Variants in CACNA1A observed in about 807,000 individuals in gnomAD.
CACNA1A encodes the protein calcium voltage-gated channel subunit alpha1 A, also known as voltage-dependent P/Q-type calcium channel subunit alpha-1A.
A neutral mutation model predicts 262.4 loss-of-function variants in CACNA1A; 57 were observed. The ratio of observed to expected loss-of-function variants is 0.22; its 90% CI spans 0.18 to 0.27. The LOEUF is 0.27. CACNA1A is among the 10% of genes least tolerant of loss of function. The probability of loss-of-function intolerance (pLI) is 1.00; values close to 1 mark genes in which losing one functional copy is unlikely to be tolerated. For missense variants in CACNA1A, 2,526 were observed against 3,562.8 expected, an observed-to-expected ratio of 0.71 and a Z score of 7.41; for synonymous variants, 1,431 against 1,419.3, an observed-to-expected ratio of 1.01 and a Z score of -0.18.
chr19:13,352,583 C>T (rs2058932619), intron 6 of CACNA1A, among the ~76,000 whole-genome samples: 1 of 152,122 alleles, frequency 6.6e-6, no homozygotes, highest in Non-Finnish European at 1.5e-5. Flanking sequence ...AGGTTTACCT[C>T]CCCTTGATTC....
chr19:13,452,686 A>G, intron 3 of CACNA1A, 190 bp downstream of exon 3: 1 of 530,088 alleles, frequency 1.9e-6, no homozygotes, highest in Non-Finnish European at 3.3e-6. Context: ...TAATTGTAAC[A>G]GAAAGCATCT....
chr19:13,209,758 T>G (rs1455766633), intron 44 of CACNA1A, among the ~76,000 whole-genome samples: 1 of 152,184 alleles, frequency 6.6e-6, no homozygotes, highest in African/African-American at 2.4e-5. Context: ...GAGCCCATCC[T>G]GGGTTCTGAC....
At chr19:13,291,292 A>G (rs1303027058) in intron 19 of CACNA1A, among the ~76,000 whole-genome samples, 1 of 151,986 alleles carries the variant, frequency 6.6e-6, no homozygotes, top group Non-Finnish European at 1.5e-5. Flanking sequence ...TGATAATAAC[A>G]GCAGTTCCTG....
rs575799602 is a variant in CACNA1A at position 13,298,473 on chromosome 19, A to G, written c.3089+71T>C. The G allele has an allele frequency of 2.8e-4, 364 of 1,320,158 alleles. No individual in the cohort carries two copies. The African/African-American group carries it at 4.7e-3, about 17-fold the overall frequency. 81.8% of individuals were successfully genotyped at this position (1,320,158 alleles called of 1,614,324 possible). On this transcript the variant is annotated intron_variant, in intron 19 of 46. Coordinates refer to ENST00000360228, the MANE Select transcript of CACNA1A (RefSeq NM_001127222.2). ...ATATTTTTATAAACAAATACACAGC[A>G]CGTGCTACTTTGGCTGTTGTCATTA...
intron 1 of CACNA1A, among the ~76,000 whole-genome samples, chr19:13,490,851 G>A (rs1431713938): frequency 7.0e-6 from 1 of 142,724 alleles, no homozygotes; most frequent in African/African-American, 2.6e-5. Context: ...GAGGGAAGGA[G>A]GGAAAGAGAA....
rs1054153497 is a variant in CACNA1A at position 13,482,568 on chromosome 19, A to G, written c.293+23364T>C. On this transcript the variant is annotated intron_variant, in intron 1 of 46. Coordinates refer to ENST00000360228, the MANE Select transcript of CACNA1A (RefSeq NM_001127222.2). ...CTAGTTTCACTTTGTGAAAAAGACA[A>G]AGTGACGTGTCCACTAAACCTTCTT... Among the ~76,000 whole-genome samples, 13 of 152,164 alleles carry G rather than the reference A, an allele frequency of 8.5e-5. No homozygotes were observed. In the East Asian group the frequency reaches 2.3e-3, roughly 27 times the overall value.
rs1015927139 is a variant in CACNA1A, at chr19:13,304,603, C to CA, written c.1987-720dup. 3.2e-5 allele frequency among the ~76,000 whole-genome samples: 3 copies of CA among 92,962 alleles called. No individual in the cohort carries two copies. In the Admixed American group the frequency reaches 3.9e-4, roughly 12 times the overall value. 61.0% of individuals were successfully genotyped at this position (92,962 alleles called of 152,430 possible). A position where few individuals can be genotyped will look rare whatever the true frequency, so the allele number is the denominator to read the frequency against. On this transcript the variant is annotated intron_variant, in intron 15 of 46. Coordinates refer to ENST00000360228, the MANE Select transcript of CACNA1A (RefSeq NM_001127222.2). The stretch of plus-strand genomic sequence containing the variant: ...TGCCACTGCACTCCAGGCTGGGTGA[C>CA]AAAAAAATGTGATTTGCCTAAAAAA...
intron 30 of CACNA1A, among the ~76,000 whole-genome samples, chr19:13,249,718 A>G (rs1481845823): frequency 6.6e-6 from 1 of 152,090 alleles, no homozygotes; most frequent in Non-Finnish European, 1.5e-5. Context: ...GATGCACGTT[A>G]GTCCATTTGC....
chr19:13,359,803 CA>C lies in CACNA1A; in HGVS notation c.785-5del. The stretch of plus-strand genomic sequence containing the variant: ...GGAGACTCACCCTGAATGTCATCTA[CA>C]AAAGGGAAGGGGAGAAAAGTCAGGG... On this transcript the variant is annotated splice_polypyrimidine_tract_variant and splice_region_variant and intron_variant, in intron 5 of 46. Coordinates refer to ENST00000360228, the MANE Select transcript of CACNA1A (RefSeq NM_001127222.2). The C allele has an allele frequency of 6.7e-7, 1 of 1,501,012 alleles. No individual in the cohort carries two copies. The highest frequency in any genetic ancestry group is 2.5e-5 in the East Asian group (1 of 40,278). 93.0% of individuals were successfully genotyped at this position (1,501,012 alleles called of 1,614,324 possible).
intron 32 of CACNA1A, 48 bp from the exon 33 acceptor site, chr19:13,235,322 C>A: frequency 6.7e-7 from 1 of 1,494,688 alleles, no homozygotes; most frequent in Non-Finnish European, 9.1e-7. Context: ...GTCCCTCAGC[C>A]GCACTGTCTT....
chr19:13,458,901 G>A (rs991342639), intron 1 of CACNA1A, among the ~76,000 whole-genome samples: 1 of 152,206 alleles, frequency 6.6e-6, no homozygotes, highest in Non-Finnish European at 1.5e-5. Flanking sequence ...GAGTGAAAAA[G>A]CCATAGGGTG....
chr19:13,375,899 T>C (rs1256405765), intron 3 of CACNA1A, among the ~76,000 whole-genome samples: 1 of 152,154 alleles, frequency 6.6e-6, no homozygotes, highest in Non-Finnish European at 1.5e-5. Context: ...AGTAAACACA[T>C]GAATGATAAG....
chr19:13,345,639 A>C (rs1395181650), intron 6 of CACNA1A, among the ~76,000 whole-genome samples: 3 of 152,202 alleles, frequency 2.0e-5, no homozygotes, highest in African/African-American at 7.2e-5. Flanking sequence ...AAAACAAAAC[A>C]AAAGGAAAAA....
At chr19:13,451,439 T>C (rs141787901) in intron 3 of CACNA1A, 2 of 151,978 alleles carry the variant, frequency 1.3e-5, no homozygotes, top group East Asian at 1.9e-4. Flanking sequence ...GAGAGGAGAG[T>C]AGAGAGTGGG....
chr19:13,312,288 A>G (rs1312802192), intron 12 of CACNA1A, among the ~76,000 whole-genome samples: 1 of 152,224 alleles, frequency 6.6e-6, no homozygotes, highest in Non-Finnish European at 1.5e-5. Context: ...CTACCTCCAC[A>G]TGACTGAGCT....
intron 3 of CACNA1A, among the ~76,000 whole-genome samples, chr19:13,437,644 T>G (rs1054722159): frequency 1.6e-5 from 2 of 127,712 alleles, no homozygotes; most frequent in Admixed American, 1.0e-4. Flanking sequence ...TGAGCCAAGA[T>G]CACGCCACTG....
intron 3 of CACNA1A, among the ~76,000 whole-genome samples, chr19:13,428,777 T>C (rs1239729806): frequency 3.9e-5 from 6 of 152,136 alleles, no homozygotes; most frequent in Non-Finnish European, 7.3e-5. Context: ...CTCTCATGGA[T>C]GTCACAGCCA....
At chr19:13,215,482 A>C (rs1361972249) in intron 38 of CACNA1A, among the ~76,000 whole-genome samples, 1 of 145,628 alleles carries the variant, frequency 6.9e-6, no homozygotes, top group Non-Finnish European at 1.5e-5. Flanking sequence ...ACCACGCCCA[A>C]CTAATTTTGT....
chr19:13,278,204 C>T lies in CACNA1A; in HGVS notation c.3823-1076G>A, dbSNP rs111442228. The stretch of plus-strand genomic sequence containing the variant: ...GTCAGGCACATCCTTCCCCTGCTTA[C>T]AATCCTCCGTGGCTCCCACCTCATT... On this transcript the variant is annotated intron_variant, in intron 22 of 46. Coordinates refer to ENST00000360228, the MANE Select transcript of CACNA1A (RefSeq NM_001127222.2). 4.2e-3 allele frequency among the ~76,000 whole-genome samples: 638 copies of T among 152,180 alleles called. 3 individuals carry two copies. Among genetic ancestry groups the T allele is most frequent in the African/African-American group, 0.015 (611 of 41,530 alleles).
Sources: gnomAD v4.1 joint callset for allele counts (sites outside exome capture counted in the v4.1 genomes callset) on GRCh38, gnomAD v4.1.1 for gene constraint, MANE v1.5 for transcripts, NCBI Gene and HGNC (gene_info 2026-07-23, HGNC 2026-07-21) for gene names.